Variants in GRB14 observed in about 807,000 individuals in gnomAD.
GRB14 encodes the protein growth factor receptor-bound protein 14.
A neutral mutation model predicts 69.1 loss-of-function variants in GRB14; 38 were observed. That is an observed-to-expected ratio of 0.55 (90% CI 0.42 to 0.72). The LOEUF is 0.72. Among genes scored for constraint, GRB14 ranks in the 30% least tolerant of loss-of-function variants. GRB14 has a pLI of 0.00. For synonymous variants in GRB14, 247 were observed against 241.3 expected (o/e 1.02, Z -0.22); for missense variants, 666 against 666.1 (o/e 1.00, Z 0.00).
intron 2 of GRB14, among the ~76,000 whole-genome samples, chr2:164,567,179 G>T (rs1688996294): frequency 6.6e-6 from 1 of 152,024 alleles, no homozygotes. Flanking sequence ...AATTAAATTT[G>T]CTTACAATTA....
intron 2 of GRB14, among the ~76,000 whole-genome samples, chr2:164,572,547 T>G (rs887943789): frequency 6.6e-6 from 1 of 152,240 alleles, no homozygotes; most frequent in Non-Finnish European, 1.5e-5. Flanking sequence ...ACTTTGCATA[T>G]GTTATTTCAT....
At chr2:164,617,048 A>G (rs894620147) in intron 2 of GRB14, among the ~76,000 whole-genome samples, 2 of 152,164 alleles carry the variant, frequency 1.3e-5, no homozygotes, top group Non-Finnish European at 2.9e-5. Flanking sequence ...CAAAGAACTG[A>G]GTGTGTATAA....
chr2:164,621,074 G>A lies in GRB14; in HGVS notation c.191+45C>T, dbSNP rs569646101. 1.0e-4 allele frequency: 125 copies of A among 1,242,188 alleles called. No homozygotes were observed. The East Asian group carries it at 3.8e-3, about 37-fold the overall frequency. 76.9% of individuals were successfully genotyped at this position (1,242,188 alleles called of 1,614,324 possible). ...GGACCGCCTCCTCACCCCCTCGCCGGCTGCCCAGCCAGGACACTCCCCCGC... is the reference window on the plus strand; with the variant it reads ...GGACCGCCTCCTCACCCCCTCGCCGACTGCCCAGCCAGGACACTCCCCCGC... On this transcript the variant is annotated intron_variant, in intron 1 of 13. Coordinates refer to ENST00000263915, the MANE Select transcript of GRB14 (RefSeq NM_004490.3). The surrounding 1 kb of genome is among the most constrained non-coding windows in gnomAD (Gnocchi z 6.0).
intron 2 of GRB14, among the ~76,000 whole-genome samples, chr2:164,574,885 A>G (rs1203413725): frequency 6.6e-6 from 1 of 150,970 alleles, no homozygotes; most frequent in South Asian, 2.1e-4. Context: ...TTGAGGCTGC[A>G]CTCCACTGAA....
At chr2:164,580,096 ATTTTTT>A (rs57336288) in intron 2 of GRB14, among the ~76,000 whole-genome samples, 133 of 133,418 alleles carry the variant, frequency 1.0e-3, no homozygotes, top group African/African-American at 3.5e-3. Flanking sequence ...TCTATGATAC[ATTTTTT>A]TTTTTTTTTT....
At chr2:164,493,326 A>G (rs1686808527) in intron 13 of GRB14, 144 bp from the exon 14 acceptor site, 1 of 666,976 alleles carries the variant, frequency 1.5e-6, no homozygotes, top group Admixed American at 3.3e-5. Context: ...CGGCATATCT[A>G]CTTGTTTTTT....
At position 164,581,590 on chromosome 2, in the gene GRB14, A is replaced by G. The variant is rs538058298; in HGVS notation, c.325-33774T>C. On this transcript the variant is annotated intron_variant, in intron 2 of 13. Coordinates refer to ENST00000263915, the MANE Select transcript of GRB14 (RefSeq NM_004490.3). ...CCTGCCACCCAAACCCACCAGAACA[A>G]ATGAAGCCCCGCTGAGATCTGGATT... Among the ~76,000 whole-genome samples the G allele has an allele frequency of 3.9e-5, 6 of 152,208 alleles. No homozygotes were observed. The South Asian group carries it at 1.2e-3, about 32-fold the overall frequency.
intron 2 of GRB14, among the ~76,000 whole-genome samples, chr2:164,603,671 A>AT (rs1553461825): frequency 0.025 from 2,723 of 108,326 alleles, 106 homozygotes; most frequent in African/African-American, 0.089. Flanking sequence ...TCAAAAAAAA[A>AT]ATATATATAT....
chr2:164,504,575 T>A (rs1162615625), intron 8 of GRB14, among the ~76,000 whole-genome samples: 1 of 152,154 alleles, frequency 6.6e-6, no homozygotes, highest in Non-Finnish European at 1.5e-5. Flanking sequence ...AAAGAGATCA[T>A]ATCATGTCTC....
At chr2:164,579,381 A>C (rs1222612264) in intron 2 of GRB14, among the ~76,000 whole-genome samples, 1 of 152,204 alleles carries the variant, frequency 6.6e-6, no homozygotes, top group African/African-American at 2.4e-5. Context: ...ATAATGATTT[A>C]ATGATTTATC....
At chr2:164,525,487 C>T (rs1559034455) in intron 4 of GRB14, among the ~76,000 whole-genome samples, 1 of 152,058 alleles carries the variant, frequency 6.6e-6, no homozygotes. Flanking sequence ...TCATAGCCCA[C>T]AGCACAGTGG....
intron 9 of GRB14, among the ~76,000 whole-genome samples, chr2:164,501,030 A>C (rs1687036658): frequency 6.6e-6 from 1 of 152,126 alleles, no homozygotes; most frequent in Admixed American, 6.6e-5. Flanking sequence ...GAGTTTAGGA[A>C]AGGATTAATA....
intron 1 of GRB14, among the ~76,000 whole-genome samples, chr2:164,620,670 T>C (rs1056154278): frequency 6.6e-6 from 1 of 152,222 alleles, no homozygotes; most frequent in African/African-American, 2.4e-5. Flanking sequence ...GCCTCTATTC[T>C]TTCCTGCCGA....
intron 6 of GRB14, among the ~76,000 whole-genome samples, chr2:164,513,988 T>C (rs575390121): frequency 6.6e-6 from 1 of 152,360 alleles, no homozygotes; most frequent in East Asian, 1.9e-4. Flanking sequence ...CACTGTAGAA[T>C]ACACATTTAT....
At position 164,621,020 on chromosome 2, in the gene GRB14, C is replaced by T; in HGVS notation, c.191+99G>A. ...CTTCAGAGACTTTTACAAACTTGGC[C>T]CAGCTCTGGGCACATGGCTCACCCC... On this transcript the variant is annotated intron_variant, in intron 1 of 13. Transcript: ENST00000263915. This position sits in a 1 kb window ranked among gnomAD's most constrained non-coding sequence, Gnocchi z 6.0. 9.4e-7 allele frequency: 1 copy of T among 1,062,836 alleles called. No homozygotes were observed. The highest frequency in any genetic ancestry group is 1.2e-6 in the Non-Finnish European group (1 of 827,284). 65.8% of individuals were successfully genotyped at this position (1,062,836 alleles called of 1,614,324 possible). A position where few individuals can be genotyped will look rare whatever the true frequency, so the allele number is the denominator to read the frequency against.
At chr2:164,550,773 T>C (rs1574299202) in intron 2 of GRB14, among the ~76,000 whole-genome samples, 1 of 152,282 alleles carries the variant, frequency 6.6e-6, no homozygotes, top group Admixed American at 6.5e-5. Flanking sequence ...TGGAATATTA[T>C]ATGGTCCCTA....
chr2:164,598,604 G>A (rs975956621), intron 2 of GRB14, among the ~76,000 whole-genome samples: 1 of 152,116 alleles, frequency 6.6e-6, no homozygotes, highest in Admixed American at 6.6e-5. Context: ...TGGCATGGTA[G>A]GAGGTCTTCA....
chr2:164,598,336 T>A (rs1251613712), intron 2 of GRB14, among the ~76,000 whole-genome samples: 1 of 152,224 alleles, frequency 6.6e-6, no homozygotes, highest in East Asian at 1.9e-4. Flanking sequence ...ATTGTTTCTA[T>A]GGGAAAATGC....
chr2:164,525,989 AAAAT>A (rs1687760987), intron 4 of GRB14, among the ~76,000 whole-genome samples: 1 of 152,144 alleles, frequency 6.6e-6, no homozygotes, highest in South Asian at 2.1e-4. Flanking sequence ...GTTTAAATAA[AAAAT>A]AAATAAAAAA....
Sources: allele counts gnomAD v4.1 joint callset (sites outside exome capture counted in the v4.1 genomes callset), GRCh38; gene constraint gnomAD v4.1.1; non-coding constraint Gnocchi (gnomAD v3.1); transcripts MANE v1.5; gene names NCBI Gene and HGNC (gene_info 2026-07-23, HGNC 2026-07-21).